CNTN5: variants seen among roughly 807,000 people sequenced by gnomAD.
CNTN5 encodes the protein contactin-5.
A neutral mutation model predicts 129.1 loss-of-function variants in CNTN5; 77 were observed. The observed-to-expected ratio is 0.60, with a 90% CI of 0.50 to 0.72. The LOEUF (loss-of-function observed/expected upper bound fraction) is 0.72, where lower values mean the gene tolerates loss of function less well. CNTN5 is among the 30% of genes least tolerant of loss of function. The pLI, the probability that CNTN5 is intolerant of heterozygous loss-of-function variation, is 0.00. For missense variants in CNTN5, 1,478 were observed against 1,328.8 expected (o/e 1.11, Z -1.75); for synonymous variants, 509 against 465.6 (o/e 1.09, Z -1.20).
chr11:99,280,183 A>G (rs574623968), intron 1 of CNTN5, among the ~76,000 whole-genome samples: 1 of 151,852 alleles, frequency 6.6e-6, no homozygotes, highest in Non-Finnish European at 1.5e-5. Context: ...TACAAAAGAA[A>G]AAATACTATA....
chr11:99,865,255 A>G (rs981708065), intron 6 of CNTN5, among the ~76,000 whole-genome samples: 4 of 152,172 alleles, frequency 2.6e-5, no homozygotes, highest in Non-Finnish European at 5.9e-5. Flanking sequence ...TGTCTTCATA[A>G]GAATATAAAT....
intron 6 of CNTN5, among the ~76,000 whole-genome samples, chr11:99,911,834 C>A (rs1949668894): frequency 6.6e-6 from 1 of 151,666 alleles, no homozygotes; most frequent in Non-Finnish European, 1.5e-5. Context: ...TCTATGAAGT[C>A]TTTCAGGAGA....
intron 13 of CNTN5, among the ~76,000 whole-genome samples, chr11:100,116,803 T>TA (rs1039011644): frequency 3.3e-5 from 5 of 151,944 alleles, no homozygotes; most frequent in East Asian, 1.9e-4. Context: ...ATTGTTGATT[T>TA]AAAAAAAAGT....
chr11:100,005,686 G>A (rs1265783155), intron 9 of CNTN5, among the ~76,000 whole-genome samples: 1 of 152,074 alleles, frequency 6.6e-6, no homozygotes, highest in Non-Finnish European at 1.5e-5. Context: ...CTCTTAAGAA[G>A]GATTTGTTTG....
chr11:99,812,397 A>G (rs1591232978), intron 3 of CNTN5, among the ~76,000 whole-genome samples: 1 of 152,248 alleles, frequency 6.6e-6, no homozygotes, highest in African/African-American at 2.4e-5. Context: ...GGGTAAACTC[A>G]GTATTCAGTT....
chr11:99,738,641 G>A (rs955304933), intron 3 of CNTN5, among the ~76,000 whole-genome samples: 2 of 151,354 alleles, frequency 1.3e-5, no homozygotes, highest in East Asian at 1.9e-4. Flanking sequence ...GTGTGTGTGT[G>A]TATGTGTGTG....
At chr11:100,352,041 C>T (rs1183739973) in intron 24 of CNTN5, among the ~76,000 whole-genome samples, 2 of 151,570 alleles carry the variant, frequency 1.3e-5, no homozygotes, top group Non-Finnish European at 3.0e-5. Context: ...TTCAGGGGTA[C>T]ATGTGCAGGT....
intron 1 of CNTN5, among the ~76,000 whole-genome samples, chr11:99,161,658 T>C (rs1402596818): frequency 6.6e-6 from 1 of 152,182 alleles, no homozygotes; most frequent in African/African-American, 2.4e-5. Context: ...CTTATTTAAG[T>C]GAGAAAAATA....
At chr11:100,316,338 T>C (rs966353480) in intron 21 of CNTN5, among the ~76,000 whole-genome samples, 3 of 152,184 alleles carry the variant, frequency 2.0e-5, no homozygotes, top group Non-Finnish European at 2.9e-5. Context: ...GCAATGGGAA[T>C]GTACATATAA....
intron 13 of CNTN5, among the ~76,000 whole-genome samples, chr11:100,185,709 T>G (rs1439185656): frequency 6.6e-6 from 1 of 152,074 alleles, no homozygotes; most frequent in Non-Finnish European, 1.5e-5. Flanking sequence ...AAGTATAGGC[T>G]CCCAATCCAA....
At chr11:99,324,413 T>G (rs2136005635) in intron 1 of CNTN5, among the ~76,000 whole-genome samples, 1 of 152,276 alleles carries the variant, frequency 6.6e-6, no homozygotes, top group Non-Finnish European at 1.5e-5. Flanking sequence ...AACAGTAAAA[T>G]ATTTGTCCTC....
At chr11:99,903,461 G>T (rs916279205) in intron 6 of CNTN5, among the ~76,000 whole-genome samples, 1 of 152,184 alleles carries the variant, frequency 6.6e-6, no homozygotes, top group South Asian at 2.1e-4. Flanking sequence ...CAGTTATCAG[G>T]TTGAAAAGCA....
At chr11:99,443,829 T>C (rs921548174) in intron 2 of CNTN5, among the ~76,000 whole-genome samples, 1 of 152,220 alleles carries the variant, frequency 6.6e-6, no homozygotes, top group African/African-American at 2.4e-5. Flanking sequence ...CCAGTGGTGT[T>C]AAAGCTTTTA....
chr11:99,330,293 A>G (rs750829108), intron 2 of CNTN5, among the ~76,000 whole-genome samples: 8 of 150,756 alleles, frequency 5.3e-5, no homozygotes, highest in Non-Finnish European at 1.0e-4. Context: ...CGGGAAGGAG[A>G]GAGGGAAAGG....
chr11:99,426,540 T>C (rs557908536), intron 2 of CNTN5, among the ~76,000 whole-genome samples: 84 of 152,330 alleles, frequency 5.5e-4, no homozygotes, highest in South Asian at 4.1e-4. Context: ...TTTTACAATT[T>C]TTTTAATTAA....
At chr11:99,252,643 G>A (rs181391274) in intron 1 of CNTN5, among the ~76,000 whole-genome samples, 1 of 151,890 alleles carries the variant, frequency 6.6e-6, no homozygotes, top group African/African-American at 2.4e-5. Context: ...CATTTGGTGA[G>A]CATAAAATAT....
At chr11:99,653,817 T>A (rs1390835487) in intron 3 of CNTN5, among the ~76,000 whole-genome samples, 1 of 152,050 alleles carries the variant, frequency 6.6e-6, no homozygotes, top group Admixed American at 6.6e-5. Flanking sequence ...TTGAGGATAT[T>A]CGCTTCTTCA....
chr11:99,788,222 C>T (rs1433731987), intron 3 of CNTN5, among the ~76,000 whole-genome samples: 3 of 151,952 alleles, frequency 2.0e-5, no homozygotes, highest in East Asian at 3.9e-4. Context: ...ACATCTTCCT[C>T]TCTGAATTCC....
intron 2 of CNTN5, among the ~76,000 whole-genome samples, chr11:99,491,369 G>A (rs778768876): frequency 1.3e-5 from 2 of 151,958 alleles, no homozygotes; most frequent in Non-Finnish European, 2.9e-5. Flanking sequence ...CTGTCAAAAC[G>A]GACTAAAGGC....
Sources: gnomAD v4.1 joint callset for allele counts (sites outside exome capture counted in the v4.1 genomes callset) on GRCh38, gnomAD v4.1.1 for gene constraint, MANE v1.5 for transcripts, NCBI Gene and HGNC (gene_info 2026-07-23, HGNC 2026-07-21) for gene names.